Variants in TNK2 observed in about 807,000 individuals in gnomAD.
The protein encoded by TNK2 is tyrosine kinase non receptor 2.
In TNK2, 83 loss-of-function variants were observed where a neutral mutation model predicts 101.8. That is an observed-to-expected ratio of 0.82 (90% CI 0.68 to 0.98). The LOEUF is 0.98. TNK2 is among the 50% of genes least tolerant of loss of function. TNK2 has a pLI of 0.00. For synonymous variants in TNK2, 804 were observed against 633.0 expected (o/e 1.27, Z -4.06); for missense variants, 1,665 against 1,483.2 (o/e 1.12, Z -2.01).
intron 9 of TNK2, chr3:195,872,844 C>A (rs564686746): frequency 9.1e-6 from 2 of 220,912 alleles, no homozygotes; most frequent in South Asian, 8.5e-5. Flanking sequence ...CCCGCCCACA[C>A]CTCCTCCTCA....
At position 195,886,723 on chromosome 3, in the gene TNK2, C is replaced by T. The variant is rs1003325426; in HGVS notation, c.234+254G>A. Among the ~76,000 whole-genome samples, 15 of 152,274 alleles carry T rather than the reference C, an allele frequency of 9.9e-5. No individual in the cohort carries two copies. The highest frequency in any genetic ancestry group is 2.1e-4 in the South Asian group (1 of 4,830). On this transcript the variant is annotated intron_variant, in intron 3 of 15. Coordinates refer to ENST00000672887, the MANE Select transcript of TNK2 (RefSeq NM_001382273.1). This position sits in a 1 kb window ranked among gnomAD's most constrained non-coding sequence, Gnocchi z 4.2. Reference sequence around the variant, plus strand: ...CAATGAGGTCCTGTTCCAGGCGTGCCGAGAGGGGCTGTGAAGGCCTCACCG... The same window carrying T: ...CAATGAGGTCCTGTTCCAGGCGTGCTGAGAGGGGCTGTGAAGGCCTCACCG...
chr3:195,870,660 G>T (rs1281541126), intron 10 of TNK2, among the ~76,000 whole-genome samples: 1 of 152,246 alleles, frequency 6.6e-6, no homozygotes, highest in Non-Finnish European at 1.5e-5. Context: ...CACCTGTCCT[G>T]CTCCGGATCC....
chr3:195,877,889 T>C (rs377059433), intron 9 of TNK2, among the ~76,000 whole-genome samples: 2 of 151,504 alleles, frequency 1.3e-5, no homozygotes, highest in African/African-American at 4.9e-5. Context: ...GATGGCTGAG[T>C]CCCTGTGCCA....
chr3:195,906,888 G>T (rs1761780500), intron 1 of TNK2, among the ~76,000 whole-genome samples: 1 of 152,092 alleles, frequency 6.6e-6, no homozygotes, highest in African/African-American at 2.4e-5. Flanking sequence ...ACATCTGCCG[G>T]GGCTCCGGGG....
Position 195,886,929 on chromosome 3 carries a change from C to T in TNK2, c.234+48G>A, listed in dbSNP as rs776281449. The T allele has an allele frequency of 3.8e-5, 60 of 1,593,314 alleles. No individual in the cohort carries two copies. The South Asian group carries it at 5.3e-4, about 14-fold the overall frequency. ...TCCCAGGACCAGAAGCGGAGGGGGG[C>T]GTTCGAGGCTGCCCCCCTCCCACCT... On this transcript the variant is annotated intron_variant, in intron 3 of 15. Coordinates refer to ENST00000672887, the MANE Select transcript of TNK2 (RefSeq NM_001382273.1). The surrounding 1 kb of genome is among the most constrained non-coding windows in gnomAD (Gnocchi z 4.2).
intron 4 of TNK2, 181 bp from the exon 5 acceptor site, chr3:195,883,490 G>A: frequency 3.0e-6 from 2 of 667,872 alleles, no homozygotes; most frequent in Non-Finnish European, 5.0e-6. Flanking sequence ...CTGGAGAAGG[G>A]CAGACGGCTG....
rs1269684779 is a variant in TNK2, at chr3:195,863,441, G to C, written c.*740C>G. 1 of 152,846 alleles carries C rather than the reference G, an allele frequency of 6.5e-6. No homozygotes were observed. The highest frequency in any genetic ancestry group is 1.5e-5 in the Non-Finnish European group (1 of 68,138). 9.5% of individuals were successfully genotyped at this position (152,846 alleles called of 1,614,324 possible). A position where few individuals can be genotyped will look rare whatever the true frequency, so the allele number is the denominator to read the frequency against. ...GCCGGAGCAGCAACTTCGCCAACAG[G>C]CTGGTGGGAAAACATGGAACCGCGT... is the stretch of plus-strand genomic sequence containing the variant. On this transcript the variant is annotated 3_prime_UTR_variant, in exon 16 of 16. Coordinates refer to ENST00000672887, the MANE Select transcript of TNK2 (RefSeq NM_001382273.1).
intron 9 of TNK2, among the ~76,000 whole-genome samples, chr3:195,877,358 C>A (rs1482525726): frequency 6.6e-6 from 1 of 152,134 alleles, no homozygotes; most frequent in East Asian, 1.9e-4. Context: ...ACACTCCACA[C>A]AGCCCCCCAG....
chr3:195,867,155 G>A lies in TNK2; in HGVS notation c.3033+14C>T, dbSNP rs1272306656. On this transcript the variant is annotated intron_variant, in intron 14 of 15. Coordinates refer to ENST00000672887, the MANE Select transcript of TNK2 (RefSeq NM_001382273.1). ...GGGTCCCTGAGAGCCAGAGTGAGCAGGAGGTGGCGGTACCTTCAGATACTG... is the reference window on the plus strand; with the variant it reads ...GGGTCCCTGAGAGCCAGAGTGAGCAAGAGGTGGCGGTACCTTCAGATACTG... 1.9e-6 allele frequency: 3 copies of A among 1,612,206 alleles called. No individual in the cohort carries two copies. Among genetic ancestry groups the A allele is most frequent in the African/African-American group, 2.7e-5 (2 of 74,900 alleles).
At chr3:195,884,518 C>T (rs1754713356) in intron 4 of TNK2, 1 of 345,318 alleles carries the variant, frequency 2.9e-6, no homozygotes, top group Admixed American at 4.5e-5. Context: ...TGGTGCATGC[C>T]TGTAATCCCA....
At chr3:195,897,184 C>T (rs1237658099) in intron 1 of TNK2, among the ~76,000 whole-genome samples, 1 of 152,240 alleles carries the variant, frequency 6.6e-6, no homozygotes, top group South Asian at 2.1e-4. Flanking sequence ...TGCGCAGAGC[C>T]CAGGCTTCTG....
At chr3:195,865,835 G>A (rs1023983877) in intron 15 of TNK2, among the ~76,000 whole-genome samples, 28 of 152,168 alleles carry the variant, frequency 1.8e-4, no homozygotes, top group African/African-American at 6.0e-4. Flanking sequence ...CGTGCTGGGC[G>A]CAATAAGACA....
intron 9 of TNK2, among the ~76,000 whole-genome samples, chr3:195,873,852 G>A (rs1000495582): frequency 1.3e-5 from 2 of 152,148 alleles, no homozygotes; most frequent in Non-Finnish European, 2.9e-5. Flanking sequence ...GGGAGACGGG[G>A]CTGTGCTCCC....
intron 2 of TNK2, among the ~76,000 whole-genome samples, chr3:195,887,899 C>T (rs573475680): frequency 1.6e-5 from 2 of 123,538 alleles, no homozygotes; most frequent in Admixed American, 7.3e-5. Context: ...CACGTGCATG[C>T]GTGTGTGCAC....
At chr3:195,907,174 T>C (rs1234314232) in intron 1 of TNK2, among the ~76,000 whole-genome samples, 1 of 152,240 alleles carries the variant, frequency 6.6e-6, no homozygotes, top group East Asian at 1.9e-4. Flanking sequence ...TTCTCTCCAC[T>C]GAAGCCAGAC....
chr3:195,875,566 C>T (rs1287731051), intron 9 of TNK2, among the ~76,000 whole-genome samples: 1 of 152,194 alleles, frequency 6.6e-6, no homozygotes, highest in South Asian at 2.1e-4. Flanking sequence ...GCAGCCCACA[C>T]GCACCCGTGT....
rs1411573688 is a variant in TNK2, at chr3:195,892,798, G to T, written c.-18-4192C>A. 2.9e-5 allele frequency: 29 copies of T among 1,000,332 alleles called. No individual in the cohort carries two copies. The East Asian group carries it at 9.9e-4, about 34-fold the overall frequency. 62.0% of individuals were successfully genotyped at this position (1,000,332 alleles called of 1,614,324 possible). A position where few individuals can be genotyped will look rare whatever the true frequency, so the allele number is the denominator to read the frequency against. ...TCCCCACCCAACTGCCCGCCCGGCC[G>T]CCCTCCCTCTTGCCTGCCTCTCTCT... On this transcript the variant is annotated intron_variant, in intron 1 of 15. Transcript: ENST00000672887.
Position 195,888,469 on chromosome 3 carries a change from GT to G in TNK2, c.119del (p.Tyr40SerfsTer24), listed in dbSNP as rs1430316847. On this transcript the variant is annotated frameshift_variant, in exon 2 of 16. Coordinates refer to ENST00000672887, the MANE Select transcript of TNK2 (RefSeq NM_001382273.1). LOFTEE classifies it high-confidence loss of function. The surrounding 1 kb of genome is among the most constrained non-coding windows in gnomAD (Gnocchi z 5.3). ...TCTTCTCCAGGTCCTCATTCTTGACGTACTCAAAGTGGGACAGGCGGGTGAC... is the reference window on the plus strand; with the variant it reads ...TCTTCTCCAGGTCCTCATTCTTGACGACTCAAAGTGGGACAGGCGGGTGAC... ...LNVTRLSHFE[Y>X]VKNEDLEKIG... 5 of 1,613,868 alleles carry G rather than the reference GT, an allele frequency of 3.1e-6. No homozygotes were observed. In the African/African-American group the frequency reaches 5.3e-5, roughly 17 times the overall value.
chr3:195,899,020 C>T lies in TNK2; in HGVS notation c.-19+9465G>A, dbSNP rs1274768163. ...CTGAGGCAGGAGAATGGCGTGAACC[C>T]GGGAGGCGGAGGTTGCAGTGAGCCA... On this transcript the variant is annotated intron_variant, in intron 1 of 15. Transcript: ENST00000672887. Among the ~76,000 whole-genome samples the T allele has an allele frequency of 4.6e-5, 7 of 151,260 alleles. 1 individual carries two copies. Among genetic ancestry groups the T allele is most frequent in the Admixed American group, 1.3e-4 (2 of 15,160 alleles).
Sources: allele counts gnomAD v4.1 joint callset (sites outside exome capture counted in the v4.1 genomes callset), GRCh38; gene constraint gnomAD v4.1.1; non-coding constraint Gnocchi (gnomAD v3.1); transcripts MANE v1.5; gene names NCBI Gene and HGNC (gene_info 2026-07-23, HGNC 2026-07-21).